ABI3BP: variants seen among roughly 807,000 people sequenced by gnomAD.
ABI3BP encodes target of Nesh-SH3.
ABI3BP carries 216 observed loss-of-function variants against 268.6 expected under a neutral mutation model. That is an observed-to-expected ratio of 0.80 (90% CI 0.72 to 0.90). The LOEUF is 0.90. Ranked by LOEUF, ABI3BP falls within the 40% of genes least tolerant of loss-of-function variation. ABI3BP has a pLI of 0.00. For missense variants in ABI3BP, 2,090 were observed against 2,182.4 expected, an observed-to-expected ratio of 0.96 and a Z score of 0.84; for synonymous variants, 730 against 730.0, an observed-to-expected ratio of 1.00 and a Z score of 0.00.
chr3:100,843,157 T>C (rs778831493), intron 20 of ABI3BP, among the ~76,000 whole-genome samples: 3 of 152,044 alleles, frequency 2.0e-5, no homozygotes, highest in Non-Finnish European at 4.4e-5. Flanking sequence ...CTAAAAGCAA[T>C]GCATAACAGC....
intron 17 of ABI3BP, among the ~76,000 whole-genome samples, chr3:100,849,135 G>T (rs1441020989): frequency 1.3e-5 from 2 of 151,038 alleles, no homozygotes; most frequent in Admixed American, 6.6e-5. Context: ...CACCCTTGAG[G>T]CATTTCAGAA....
At position 100,749,365 on chromosome 3, in the gene ABI3BP, A is replaced by AATTT. The variant is rs2095197404; in HGVS notation, c.*1126_*1129dup. On this transcript the variant is annotated 3_prime_UTR_variant, in exon 68 of 68. Coordinates refer to ENST00000471714, the MANE Select transcript of ABI3BP (RefSeq NM_001375547.2). ...AAAAAACTACATCTCTTTATTGCAG[A>AATTT]ATTTATACTTGTTTGAAAAATACAA... 1 of 322,286 alleles carries AATTT rather than the reference A, an allele frequency of 3.1e-6. No homozygotes were observed. Among genetic ancestry groups the AATTT allele is most frequent in the East Asian group, 4.8e-5 (1 of 20,900 alleles). 20.0% of individuals were successfully genotyped at this position (322,286 alleles called of 1,614,324 possible).
At chr3:100,958,530 A>T (rs1018910002) in intron 1 of ABI3BP, among the ~76,000 whole-genome samples, 1 of 152,248 alleles carries the variant, frequency 6.6e-6, no homozygotes, top group African/African-American at 2.4e-5. Context: ...ATATTATGAA[A>T]GTGTCCTAAA....
rs1171988337 is a variant in ABI3BP at position 100,774,643 on chromosome 3, G to T, written c.4493C>A (p.Thr1498Lys). Residue 1498 changes from threonine to lysine, a missense_variant, in exon 61 of 68, where the codon ACA (threonine) becomes AAA (lysine). By Grantham distance (78) the Thr-to-Lys change is moderately conservative. Transcript: ENST00000471714. ...CTTCCCAAGAGGATCAGTTTCTCTTGTTGGGCTTGAGCTAAAGTCAGTTAT... is the reference window on the plus strand; with the variant it reads ...CTTCCCAAGAGGATCAGTTTCTCTTTTTGGGCTTGAGCTAAAGTCAGTTAT... The part of the protein sequence containing the change: ...ENITDFSSSP[T>K]RETDPLGKPR... 2 of 1,586,040 alleles carry T rather than the reference G, an allele frequency of 1.3e-6. No homozygotes were observed. The highest frequency in any genetic ancestry group is 1.7e-6 in the Non-Finnish European group (2 of 1,165,200).
intron 1 of ABI3BP, among the ~76,000 whole-genome samples, chr3:100,941,163 G>T (rs2069024577): frequency 6.6e-6 from 1 of 151,756 alleles, no homozygotes; most frequent in Admixed American, 6.6e-5. Context: ...ACATATGTTA[G>T]CAAGAAGCTC....
At chr3:100,825,452 A>G (rs1390191740) in intron 35 of ABI3BP, among the ~76,000 whole-genome samples, 2 of 152,128 alleles carry the variant, frequency 1.3e-5, no homozygotes, top group South Asian at 2.1e-4. Flanking sequence ...ATCAGCTTAG[A>G]TAAGAAATAG....
chr3:100,951,623 T>G (rs1368770180), intron 1 of ABI3BP, among the ~76,000 whole-genome samples: 1 of 151,972 alleles, frequency 6.6e-6, no homozygotes, highest in Non-Finnish European at 1.5e-5. Context: ...CTACCATCTA[T>G]GATGTGTCAC....
chr3:100,880,710 G>C (rs923896257), intron 6 of ABI3BP, among the ~76,000 whole-genome samples: 12 of 152,154 alleles, frequency 7.9e-5, no homozygotes, highest in Admixed American at 2.6e-4. Context: ...AGTAGCAGCA[G>C]CAGACGCTGC....
intron 5 of ABI3BP, among the ~76,000 whole-genome samples, chr3:100,885,868 G>A (rs867750644): frequency 6.6e-6 from 1 of 151,866 alleles, no homozygotes; most frequent in Non-Finnish European, 1.5e-5. Flanking sequence ...GTTGGTGTTC[G>A]CAGGTAGGGA....
At chr3:100,812,430 C>T (rs2097884496) in intron 46 of ABI3BP, 37 bp downstream of exon 46, 5 of 1,269,620 alleles carry the variant, frequency 3.9e-6, no homozygotes, top group Non-Finnish European at 5.0e-6. Flanking sequence ...GATGGAAAAG[C>T]ACATATGCTT....
In ABI3BP at chr3:100,830,720, T is replaced by G. The variant is rs184121099; in HGVS notation, c.2402-86A>C. On this transcript the variant is annotated intron_variant, in intron 31 of 67. Coordinates refer to ENST00000471714, the MANE Select transcript of ABI3BP (RefSeq NM_001375547.2). ...TTCATCTTACCACCAAAAATCGGATTTCTAAGGCTGCAAAATTAATTCTTA... is the reference window on the plus strand; with the variant it reads ...TTCATCTTACCACCAAAAATCGGATGTCTAAGGCTGCAAAATTAATTCTTA... 13 of 1,130,414 alleles carry G rather than the reference T, an allele frequency of 1.2e-5. No individual in the cohort carries two copies. The East Asian group carries it at 3.1e-4, about 27-fold the overall frequency. 70.0% of individuals were successfully genotyped at this position (1,130,414 alleles called of 1,614,324 possible). A position where few individuals can be genotyped will look rare whatever the true frequency, so the allele number is the denominator to read the frequency against.
chr3:100,944,093 C>A (rs984481993), intron 1 of ABI3BP, among the ~76,000 whole-genome samples: 4 of 152,040 alleles, frequency 2.6e-5, no homozygotes, highest in South Asian at 2.1e-4. Context: ...TCTCTGACAC[C>A]TTTCCCTCTC....
intron 2 of ABI3BP, 110 bp downstream of exon 2, chr3:100,926,192 A>T: frequency 9.1e-7 from 1 of 1,093,860 alleles, no homozygotes; most frequent in South Asian, 1.8e-5. Context: ...CCATTTGATT[A>T]AGCTAAGGAT....
In ABI3BP at chr3:100,812,495, A is replaced by G; in HGVS notation, c.3393T>C (p.Leu1131=). 7.5e-7 allele frequency: 1 copy of G among 1,334,434 alleles called. No individual in the cohort carries two copies. The highest frequency in any genetic ancestry group is 2.9e-5 in the East Asian group (1 of 34,376). The allele number at this position is 1,334,434 out of a possible 1,614,324, so 82.7% of individuals were successfully genotyped here. Residue 1131 remains leucine, a synonymous_variant, in exon 46 of 68, where the codon CTT becomes CTC. Coordinates refer to ENST00000471714, the MANE Select transcript of ABI3BP (RefSeq NM_001375547.2). Reference sequence around the variant, plus strand: ...TGGTCTCCTTTGGTGACTCAGTACTAAGTGTAACCGATTCCAGAACATCAG... The same window carrying G: ...TGGTCTCCTTTGGTGACTCAGTACTGAGTGTAACCGATTCCAGAACATCAG... ...PVSDVLESVT[L]STESPKETIA...
intron 1 of ABI3BP, among the ~76,000 whole-genome samples, chr3:100,986,898 G>A (rs1365167184): frequency 6.6e-6 from 1 of 151,910 alleles, no homozygotes; most frequent in African/African-American, 2.4e-5. Context: ...TTGAATATAT[G>A]TATATCAATT....
intron 2 of ABI3BP, among the ~76,000 whole-genome samples, chr3:100,903,084 G>A (rs576528355): frequency 8.5e-5 from 13 of 152,234 alleles, no homozygotes; most frequent in Admixed American, 8.5e-4. Flanking sequence ...ACTTGCACAA[G>A]ACACCGTGGG....
chr3:100,821,729 A>G (rs533518123), intron 38 of ABI3BP, among the ~76,000 whole-genome samples: 55 of 150,116 alleles, frequency 3.7e-4, no homozygotes, highest in African/African-American at 1.2e-3. Context: ...CAGCCTCCTG[A>G]GTAGCTGGGA....
rs1229796975 is a variant in ABI3BP at position 100,825,835 on chromosome 3, G to A, written c.2612C>T (p.Thr871Ile). 1 of 1,534,728 alleles carries A rather than the reference G, an allele frequency of 6.5e-7. No homozygotes were observed. Among genetic ancestry groups the A allele is most frequent in the Admixed American group, 2.0e-5 (1 of 50,976 alleles). The part of the protein sequence containing the change: ...EAPGTTFVPV[T>I]DLEPVTFRTE... Reference sequence around the variant, plus strand: ...TCTAAAAGTAACAGGCTCGAGGTCTGTAACAGGAACTGAAGTAATAAGATA... The same window carrying A: ...TCTAAAAGTAACAGGCTCGAGGTCTATAACAGGAACTGAAGTAATAAGATA... The change falls in exon 35 of 68, where the codon ACA (threonine) becomes ATA (isoleucine). Residue 871 changes from threonine (T) to isoleucine (I), a missense_variant. Physicochemically the swap from Thr to Ile is moderately conservative, Grantham distance 89. Coordinates refer to ENST00000471714, the MANE Select transcript of ABI3BP (RefSeq NM_001375547.2).
At chr3:100,847,462 A>C in intron 19 of ABI3BP, 140 bp downstream of exon 19, 1 of 725,354 alleles carries the variant, frequency 1.4e-6, no homozygotes, top group Non-Finnish European at 2.4e-6. Context: ...GAGCTGGTGC[A>C]CTCTCTGAGA....
Sources: gnomAD v4.1 joint callset for allele counts (sites outside exome capture counted in the v4.1 genomes callset) on GRCh38, gnomAD v4.1.1 for gene constraint, MANE v1.5 for transcripts, NCBI Gene and HGNC (gene_info 2026-07-23, HGNC 2026-07-21) for gene names.